Variants in SSBP4 observed in about 807,000 individuals in gnomAD.
SSBP4 encodes single stranded DNA binding protein 4, also known as single-stranded DNA-binding protein 4.
A neutral mutation model predicts 64.6 loss-of-function variants in SSBP4; 33 were observed. The ratio of observed to expected loss-of-function variants is 0.51; its 90% CI spans 0.39 to 0.68. SSBP4 has a LOEUF of 0.68. Ranked by LOEUF, SSBP4 falls within the 30% of genes least tolerant of loss-of-function variation. The pLI is 0.00. For synonymous variants in SSBP4, 243 were observed against 224.0 expected (o/e 1.08, Z -0.76); for missense variants, 583 against 566.8 (o/e 1.03, Z -0.29).
At chr19:18,405,408 C>T in the SSBP4 span, among the ~76,000 whole-genome samples, 1 of 151,996 alleles carries the variant, frequency 6.6e-6, no homozygotes, top group Non-Finnish European at 1.5e-5. Context: ...TGCCTGTAAT[C>T]CCAGCACTTT....
rs530924478 is a variant in SSBP4, at chr19:18,431,390, A to G, written c.407A>G (p.Asn136Ser). 286 of 1,435,998 alleles carry G rather than the reference A, an allele frequency of 2.0e-4. 2 individuals carry two copies. The South Asian group carries it at 3.0e-3, about 15-fold the overall frequency. The allele number at this position is 1,435,998 out of a possible 1,614,324, so 89.0% of individuals were successfully genotyped here. A position where few individuals can be genotyped will look rare whatever the true frequency, so the allele number is the denominator to read the frequency against. Residue 136 changes from asparagine (N) to serine (S), a missense_variant, in exon 6 of 18, where the codon AAC becomes AGC. Around this residue, in one of 5 missense-constraint regions of SSBP4, gnomAD observed 444 missense variants for 386.6 expected, o/e 1.15. Transcript: ENST00000270061. The stretch of plus-strand genomic sequence containing the variant: ...TCCCAGCCGTCCCCCCACAACCCCA[A>G]CGCCCCCATGATGGGGCCTCACGGT... ...PGSQPSPHNP[N>S]APMMGPHGQP...
chr19:18,407,024 T>G, the SSBP4 span, among the ~76,000 whole-genome samples: 1 of 151,994 alleles, frequency 6.6e-6, no homozygotes, highest in Non-Finnish European at 1.5e-5. Flanking sequence ...ATTTTTATAT[T>G]TTTTATTTTA....
chr19:18,433,036 G>C lies in SSBP4; in HGVS notation c.905G>C (p.Arg302Thr), dbSNP rs1465507469. 12 of 1,614,066 alleles carry C rather than the reference G, an allele frequency of 7.4e-6. No individual in the cohort carries two copies. The highest frequency in any genetic ancestry group is 1.0e-5 in the Non-Finnish European group (12 of 1,180,016). ...AACCCCATCGGGCAGGGCGCCGGCA[G>C]GGCTAATGTGAGTGGGGGCTTGCAG... Reference protein sequence around the residue: ...IMNPIGQGAGRANFPLGPGPE... With the variant: ...IMNPIGQGAGTANFPLGPGPE... The change falls in exon 14 of 18, where the codon AGG (arginine) becomes ACG (threonine). Residue 302 changes from arginine (R) to threonine (T), a missense_variant. By Grantham distance (71) the Arg-to-Thr change is moderately conservative. This residue lies in a region of SSBP4 where 444 missense variants were observed against 386.6 expected (regional missense o/e 1.15). Transcript: ENST00000270061.
At chr19:18,417,258 C>A (rs1012981769), upstream of SSBP4, among the ~76,000 whole-genome samples, 1 of 152,202 alleles carries the variant, frequency 6.6e-6, no homozygotes, top group Non-Finnish European at 1.5e-5. The surrounding 1 kb of genome is among the most constrained non-coding windows in gnomAD (Gnocchi z 5.4). Flanking sequence ...AGCAACGTGT[C>A]CCGGCTGGGT....
rs1015336464 is a variant in SSBP4 at position 18,434,114 on chromosome 19, A to G, written c.1129-103A>G. 70 of 1,401,958 alleles carry G rather than the reference A, an allele frequency of 5.0e-5. 1 individual carries two copies. In the South Asian group the frequency reaches 9.2e-4, roughly 18 times the overall value. 86.8% of individuals were successfully genotyped at this position (1,401,958 alleles called of 1,614,324 possible). On this transcript the variant is annotated intron_variant, in intron 17 of 17. Coordinates refer to ENST00000270061, the MANE Select transcript of SSBP4 (RefSeq NM_032627.5). Reference sequence around the variant, plus strand: ...TCCTGTCCCCACCCCATGTCTGCCCAGGACCCAGCCCTGCCCTGTCCCCCA... The same window carrying G: ...TCCTGTCCCCACCCCATGTCTGCCCGGGACCCAGCCCTGCCCTGTCCCCCA...
At position 18,419,700 on chromosome 19, in the gene SSBP4, C is replaced by T. The variant is rs1972292845; in HGVS notation, c.52C>T (p.Arg18Cys). The T allele has an allele frequency of 8.5e-7, 1 of 1,177,726 alleles. No individual in the cohort carries two copies. The allele number at this position is 1,177,726 out of a possible 1,614,324, so 73.0% of individuals were successfully genotyped here. ...GSAVPSDSQA[R>C]EKLALYVYEY... is the part of the protein sequence containing the mutation. ...GGCCGTGCCCTCCGACAGCCAGGCC[C>T]GCGAGAAGTGAGTGCGGGGCCGGGG... The change falls in exon 1 of 18, where the codon CGC becomes TGC. Residue 18 changes from arginine (R) to cysteine (C), a missense_variant. By Grantham distance (180) the Arg-to-Cys change is radical (BLOSUM62 -3). This residue lies in a region of SSBP4 where 39 missense variants were observed against 25.7 expected (regional missense o/e 1.52). Transcript: ENST00000270061.
rs1973729281 is a variant in SSBP4, at chr19:18,433,731, G to A, written c.1042G>A (p.Gly348Ser). ...LPKSSPGAVAGLSNAPGTPRD... is the reference protein window; with the variant it reads ...LPKSSPGAVASLSNAPGTPRD... ...CCAGAGTTCCCCCGGCGCCGTGGCC[G>A]GCCTGAGCAACGCCCCGGGCACCCC... The change falls in exon 17 of 18, where the codon GGC (glycine) becomes AGC (serine). Residue 348 changes from glycine to serine, a missense_variant. Gly to Ser is a moderately conservative substitution (Grantham distance 56). Coordinates refer to ENST00000270061, the MANE Select transcript of SSBP4 (RefSeq NM_032627.5). 2.1e-6 allele frequency: 3 copies of A among 1,434,206 alleles called. No individual in the cohort carries two copies. The highest frequency in any genetic ancestry group is 1.5e-5 in the African/African-American group (1 of 66,158). The allele number at this position is 1,434,206 out of a possible 1,614,324, so 88.8% of individuals were successfully genotyped here.
the SSBP4 span, among the ~76,000 whole-genome samples, chr19:18,403,612 G>T: frequency 6.6e-6 from 1 of 151,398 alleles, no homozygotes; most frequent in Non-Finnish European, 1.5e-5. Context: ...GGGCTCTGGG[G>T]ATCCAGAGGT....
At chr19:18,411,071 T>G in the SSBP4 span, among the ~76,000 whole-genome samples, 1 of 149,976 alleles carries the variant, frequency 6.7e-6, no homozygotes, top group South Asian at 2.1e-4. Flanking sequence ...GGCCAGGAGT[T>G]CAAGACCAGT....
At chr19:18,431,464 C>T in intron 6 of SSBP4, 46 bp downstream of exon 6, 1 of 1,074,920 alleles carries the variant, frequency 9.3e-7, no homozygotes, top group Non-Finnish European at 1.4e-6. Context: ...CATCCCCTCC[C>T]CCAGCGCCGC....
intron 4 of SSBP4, among the ~76,000 whole-genome samples, chr19:18,430,477 A>T (rs1973270031): frequency 6.6e-6 from 1 of 152,108 alleles, no homozygotes; most frequent in Admixed American, 6.5e-5. Context: ...ACTTGTTCTA[A>T]GGTGGAGCCT....
intron 1 of SSBP4, among the ~76,000 whole-genome samples, chr19:18,422,339 G>A (rs1035296984): frequency 6.6e-6 from 1 of 152,146 alleles, no homozygotes; most frequent in Non-Finnish European, 1.5e-5. Context: ...AGGTGCTTTG[G>A]GGACACTGGC....
At chr19:18,433,945 C>T (rs1052981366) in intron 17 of SSBP4, 128 bp downstream of exon 17, 8 of 1,240,954 alleles carry the variant, frequency 6.4e-6, no homozygotes, top group Non-Finnish European at 8.1e-6. Flanking sequence ...GGGGGGGCGG[C>T]CGCGGCATCC....
In SSBP4 at chr19:18,431,359, C is replaced by T. The variant is rs867503763; in HGVS notation, c.376C>T (p.Pro126Ser). The stretch of plus-strand genomic sequence containing the variant: ...CCTGGTTCTGTCCTCCTAGGGCCCC[C>T]CCGGCTCCCAGCCGTCCCCCCACAA... The part of the protein sequence containing the change: ...SMAAGFFQGP[P>S]GSQPSPHNPN... The change falls in exon 6 of 18, where the codon CCC becomes TCC. Residue 126 changes from proline to serine, a missense_variant. Pro to Ser is a moderately conservative substitution (Grantham distance 74). Coordinates refer to ENST00000270061, the MANE Select transcript of SSBP4 (RefSeq NM_032627.5). 2 of 1,017,318 alleles carry T rather than the reference C, an allele frequency of 2.0e-6. No homozygotes were observed. The highest frequency in any genetic ancestry group is 2.5e-4 in the Middle Eastern group (1 of 4,008). The allele number at this position is 1,017,318 out of a possible 1,614,324, so 63.0% of individuals were successfully genotyped here. A position where few individuals can be genotyped will look rare whatever the true frequency, so the allele number is the denominator to read the frequency against.
chr19:18,422,341 G>A (rs1314109015), intron 1 of SSBP4, among the ~76,000 whole-genome samples: 1 of 152,166 alleles, frequency 6.6e-6, no homozygotes, highest in Non-Finnish European at 1.5e-5. Flanking sequence ...GTGCTTTGGG[G>A]ACACTGGCCT....
intron 4 of SSBP4, among the ~76,000 whole-genome samples, chr19:18,430,090 C>T (rs972834381): frequency 6.6e-6 from 1 of 152,192 alleles, no homozygotes; most frequent in Non-Finnish European, 1.5e-5. Flanking sequence ...GAGAGCCCAT[C>T]ACCTTCTTTT....
At chr19:18,433,359 G>T in intron 15 of SSBP4, 146 bp downstream of exon 15, 1 of 1,280,212 alleles carries the variant, frequency 7.8e-7, no homozygotes, top group Non-Finnish European at 1.1e-6. Flanking sequence ...GACAGGGGCT[G>T]CCCCGAGCTG....
Position 18,432,342 on chromosome 19 carries a change from T to G in SSBP4, c.704+128T>G. On this transcript the variant is annotated intron_variant, in intron 10 of 17. Transcript: ENST00000270061. Reference sequence around the variant, plus strand: ...ATATTGTTTATTTCATGGCCACCGTTGAGGGGAAACTGAGACTTGAAGTAG... The same window carrying G: ...ATATTGTTTATTTCATGGCCACCGTGGAGGGGAAACTGAGACTTGAAGTAG... 3.7e-6 allele frequency: 5 copies of G among 1,360,464 alleles called. 1 individual carries two copies. In the South Asian group the frequency reaches 6.8e-5, roughly 18 times the overall value. 84.3% of individuals were successfully genotyped at this position (1,360,464 alleles called of 1,614,324 possible).
the SSBP4 span, among the ~76,000 whole-genome samples, chr19:18,407,730 C>T: frequency 6.6e-6 from 1 of 151,996 alleles, no homozygotes; most frequent in Non-Finnish European, 1.5e-5. Flanking sequence ...TGTACCCGGC[C>T]TTAGTAATTT....
Sources: gnomAD v4.1 joint callset for allele counts (sites outside exome capture counted in the v4.1 genomes callset) on GRCh38, gnomAD v4.1.1 for gene constraint, gnomAD v4.1.1 regional missense constraint, Gnocchi (gnomAD v3.1) non-coding constraint, MANE v1.5 for transcripts, NCBI Gene and HGNC (gene_info 2026-07-23, HGNC 2026-07-21) for gene names.